The following SENP7 variants were observed in gnomAD, a reference collection of about 807,000 sequenced individuals.
SENP7 encodes the protein sentrin-specific protease 7.
SENP7 carries 64 observed loss-of-function variants against 141.2 expected under a neutral mutation model. That is an observed-to-expected ratio of 0.45 (90% CI 0.37 to 0.56). The LOEUF (loss-of-function observed/expected upper bound fraction) is 0.56, where lower values mean the gene tolerates loss of function less well. SENP7 is among the 20% of genes least tolerant of loss of function. The pLI is 0.00. For synonymous variants in SENP7, 382 were observed against 426.4 expected, an observed-to-expected ratio of 0.90 and a Z score of 1.28; for missense variants, 1,025 against 1,212.2, an observed-to-expected ratio of 0.85 and a Z score of 2.29.
intron 6 of SENP7, among the ~76,000 whole-genome samples, chr3:101,383,603 G>T (rs559696350): frequency 1.3e-5 from 2 of 152,296 alleles, no homozygotes; most frequent in African/African-American, 4.8e-5. Context: ...TCCAATTCTA[G>T]AGCAAAGTTG....
chr3:101,502,427 C>T (rs567746292), intron 1 of SENP7, among the ~76,000 whole-genome samples: 3 of 152,228 alleles, frequency 2.0e-5, no homozygotes, highest in Admixed American at 1.3e-4. Context: ...CTCAGCCTCC[C>T]GAGTAGCTGG....
At chr3:101,451,771 A>G (rs1296557728) in intron 4 of SENP7, among the ~76,000 whole-genome samples, 1 of 152,240 alleles carries the variant, frequency 6.6e-6, no homozygotes, top group African/African-American at 2.4e-5. Flanking sequence ...GAATGGGCAA[A>G]AACTGGAAGC....
intron 10 of SENP7, chr3:101,363,071 CCTT>C (rs1226520964): frequency 1.8e-6 from 1 of 549,182 alleles, no homozygotes; most frequent in African/African-American, 2.1e-5. Flanking sequence ...TGTGACTAAT[CCTT>C]ATCTAAAACA....
chr3:101,420,345 G>A (rs1455135846), intron 4 of SENP7, among the ~76,000 whole-genome samples: 1 of 151,156 alleles, frequency 6.6e-6, no homozygotes, highest in Non-Finnish European at 1.5e-5. Context: ...TCCAGCCTGG[G>A]CGACAGAGCG....
Position 101,401,901 on chromosome 3 carries a change from T to G in SENP7, c.483-2846A>C, listed in dbSNP as rs574234135. 1.4e-4 allele frequency among the ~76,000 whole-genome samples: 22 copies of G among 152,034 alleles called. No homozygotes were observed. The South Asian group carries it at 4.6e-3, about 32-fold the overall frequency. On this transcript the variant is annotated intron_variant, in intron 5 of 23. Transcript: ENST00000394095. ...CGGGAGACTGAAGTGAGAGGATCAC[T>G]TTAGCCTGGGAGATCAAGGCTGTAG...
At chr3:101,507,584 A>T (rs1267605850) in intron 1 of SENP7, among the ~76,000 whole-genome samples, 1 of 152,040 alleles carries the variant, frequency 6.6e-6, no homozygotes, top group Non-Finnish European at 1.5e-5. Flanking sequence ...TTTTTATTAG[A>T]TATATTACTT....
chr3:101,431,954 G>A (rs746803817), intron 4 of SENP7, among the ~76,000 whole-genome samples: 1 of 152,150 alleles, frequency 6.6e-6, no homozygotes, highest in African/African-American at 2.4e-5. Context: ...GTACCAGCAT[G>A]GCCACAGCGG....
intron 17 of SENP7, among the ~76,000 whole-genome samples, chr3:101,336,664 A>C (rs72938074): frequency 0.011 from 1,613 of 152,326 alleles, 22 homozygotes; most frequent in African/African-American, 0.036. Flanking sequence ...TTAAAATAAC[A>C]ATAACTCAGC....
chr3:101,361,984 T>A (rs2059914596), intron 10 of SENP7, 123 bp from the exon 11 acceptor site: 2 of 1,027,926 alleles, frequency 1.9e-6, no homozygotes, highest in Non-Finnish European at 2.7e-6. Flanking sequence ...AACTTTATAC[T>A]GTTCTTACTG....
chr3:101,439,057 GC>G (rs2062516416), intron 4 of SENP7, among the ~76,000 whole-genome samples: 1 of 129,326 alleles, frequency 7.7e-6, no homozygotes, highest in African/African-American at 2.8e-5. Context: ...GAGCGTCTCC[GC>G]CCGGCCGCCA....
chr3:101,462,376 T>C (rs985046711), intron 3 of SENP7, among the ~76,000 whole-genome samples: 10 of 151,852 alleles, frequency 6.6e-5, no homozygotes, highest in African/African-American at 2.4e-4. Flanking sequence ...ACCCCGTCTC[T>C]ACTAAAAATA....
chr3:101,354,526 T>C (rs1293962090), intron 11 of SENP7, among the ~76,000 whole-genome samples: 2 of 152,104 alleles, frequency 1.3e-5, no homozygotes, highest in East Asian at 3.8e-4. Context: ...TCTGTTCCTA[T>C]GTTAGTTTGC....
intron 3 of SENP7, among the ~76,000 whole-genome samples, chr3:101,468,043 G>A (rs931545621): frequency 3.3e-5 from 5 of 152,140 alleles, no homozygotes; most frequent in Non-Finnish European, 5.9e-5. Flanking sequence ...ACCATGGCAC[G>A]AGAGCTTCGT....
chr3:101,397,777 A>C (rs192925438), intron 6 of SENP7, among the ~76,000 whole-genome samples: 1 of 152,340 alleles, frequency 6.6e-6, no homozygotes, highest in Admixed American at 6.5e-5. Context: ...GGGGGGAAAA[A>C]AATTAGGATA....
At chr3:101,386,758 G>A (rs1042472412) in intron 6 of SENP7, among the ~76,000 whole-genome samples, 4 of 152,216 alleles carry the variant, frequency 2.6e-5, no homozygotes, top group African/African-American at 9.6e-5. Context: ...AGTCTGAGAG[G>A]TGCCTGCCTA....
chr3:101,329,698 G>A (rs999097545), intron 20 of SENP7, among the ~76,000 whole-genome samples: 1 of 150,868 alleles, frequency 6.6e-6, no homozygotes, highest in Non-Finnish European at 1.5e-5. Context: ...AGCACTTTGG[G>A]AGGCCCAGGC....
chr3:101,337,805 T>C (rs1351460963), intron 16 of SENP7, among the ~76,000 whole-genome samples, 174 bp from the exon 17 acceptor site: 2 of 152,240 alleles, frequency 1.3e-5, no homozygotes, highest in African/African-American at 2.4e-5. Flanking sequence ...CCTTCCATCA[T>C]GTAAAGCAGA....
intron 3 of SENP7, among the ~76,000 whole-genome samples, chr3:101,459,367 G>C (rs534017618): frequency 1.3e-5 from 2 of 152,156 alleles, no homozygotes; most frequent in East Asian, 3.9e-4. Flanking sequence ...TTACATAGAA[G>C]GTTAAATAGG....
At chr3:101,415,238 G>C (rs375497631) in intron 5 of SENP7, among the ~76,000 whole-genome samples, 1 of 107,496 alleles carries the variant, frequency 9.3e-6, no homozygotes, top group Admixed American at 1.0e-4. Flanking sequence ...AAGGTTCCTT[G>C]ATCCCCATTT....
Sources: allele counts gnomAD v4.1 joint callset (sites outside exome capture counted in the v4.1 genomes callset), GRCh38; gene constraint gnomAD v4.1.1; transcripts MANE v1.5; gene names NCBI Gene and HGNC (gene_info 2026-07-23, HGNC 2026-07-21).